The following FGF14 variants were observed in gnomAD, a reference collection of about 807,000 sequenced individuals.
FGF14 encodes fibroblast growth factor homologous factor 4.
Under a neutral mutation model 25.5 loss-of-function variants are expected in FGF14, and 5 were observed. The observed-to-expected ratio is 0.20, with a 90% confidence interval of 0.10 to 0.41. FGF14 has a LOEUF of 0.41. Among genes scored for constraint, FGF14 ranks in the 10% least tolerant of loss-of-function variants. The probability of loss-of-function intolerance (pLI) is 1.00; values close to 1 mark genes in which losing one functional copy is unlikely to be tolerated. For missense variants in FGF14, 222 were observed against 320.1 expected, an observed-to-expected ratio of 0.69 and a Z score of 2.34; for synonymous variants, 138 against 118.3, an observed-to-expected ratio of 1.17 and a Z score of -1.08.
rs180769288 is a variant in FGF14, at chr13:102,135,326, T to C, written c.209-260030A>G. Among the ~76,000 whole-genome samples the C allele has an allele frequency of 9.8e-5, 15 of 152,308 alleles. No homozygotes were observed. The East Asian group carries it at 2.3e-3, about 24-fold the overall frequency. On this transcript the variant is annotated intron_variant, in intron 1 of 4. Transcript: ENST00000376131. ...TGTCTCCTCTTCAAAGCCCTCCATG[T>C]GCCCCAGCTAACATCTGGTATCAAG...
intron 3 of FGF14, among the ~76,000 whole-genome samples, chr13:101,839,470 C>A (rs1566961177): frequency 6.6e-6 from 1 of 151,936 alleles, no homozygotes. Context: ...TTAATACAGG[C>A]CACAGAAAAC....
At chr13:102,219,733 G>A (rs2050527180) in intron 1 of FGF14, among the ~76,000 whole-genome samples, 1 of 152,108 alleles carries the variant, frequency 6.6e-6, no homozygotes, top group Non-Finnish European at 1.5e-5. Flanking sequence ...AATGATCAAA[G>A]TGAAGCCAAT....
intron 1 of FGF14, among the ~76,000 whole-genome samples, chr13:101,923,827 A>G (rs2034175958): frequency 6.6e-6 from 1 of 152,128 alleles, no homozygotes; most frequent in Non-Finnish European, 1.5e-5. Flanking sequence ...AGTAGAAACT[A>G]TTGATACTAA....
At chr13:102,017,414 T>C (rs2040404865) in intron 1 of FGF14, among the ~76,000 whole-genome samples, 1 of 152,228 alleles carries the variant, frequency 6.6e-6, no homozygotes, top group Non-Finnish European at 1.5e-5. Context: ...GCCTTTTTCC[T>C]GCAGAACTTT....
chr13:102,357,319 T>G (rs912660860), intron 1 of FGF14, among the ~76,000 whole-genome samples: 11 of 152,018 alleles, frequency 7.2e-5, no homozygotes, highest in Non-Finnish European at 1.5e-4. Flanking sequence ...CTCCAGGGCT[T>G]TCTGAAGTGG....
At chr13:101,746,008 C>T (rs752830594) in intron 3 of FGF14, among the ~76,000 whole-genome samples, 8 of 151,896 alleles carry the variant, frequency 5.3e-5, no homozygotes, top group South Asian at 2.1e-4. Flanking sequence ...ATCAATTCAG[C>T]GGAGATGTGC....
At chr13:102,054,463 G>C (rs1373782594) in intron 1 of FGF14, among the ~76,000 whole-genome samples, 1 of 152,132 alleles carries the variant, frequency 6.6e-6, no homozygotes, top group Admixed American at 6.5e-5. Flanking sequence ...AATGAATGAA[G>C]CATACTTAGC....
intron 1 of FGF14, among the ~76,000 whole-genome samples, chr13:101,910,359 A>G (rs2032790599): frequency 1.3e-5 from 2 of 152,164 alleles, no homozygotes; most frequent in Non-Finnish European, 2.9e-5. Flanking sequence ...TCTGCTGCAT[A>G]TATGTCCTGA....
chr13:102,056,201 T>C (rs561320524), intron 1 of FGF14, among the ~76,000 whole-genome samples: 2 of 152,314 alleles, frequency 1.3e-5, no homozygotes, highest in African/African-American at 4.8e-5. Context: ...GGGTATTTGT[T>C]ACAAATGGCC....
At chr13:102,139,682 G>T (rs990744160) in intron 1 of FGF14, among the ~76,000 whole-genome samples, 1 of 152,056 alleles carries the variant, frequency 6.6e-6, no homozygotes, top group East Asian at 1.9e-4. Flanking sequence ...AGAATCAGAG[G>T]GCACTGGGCA....
intron 1 of FGF14, among the ~76,000 whole-genome samples, chr13:101,972,844 C>A (rs1467414092): frequency 6.6e-6 from 1 of 152,104 alleles, no homozygotes; most frequent in East Asian, 1.9e-4. Flanking sequence ...TTCAGGTAAG[C>A]CAAAGCCAAT....
chr13:102,206,951 G>A (rs74109527), intron 1 of FGF14, among the ~76,000 whole-genome samples: 4,339 of 152,052 alleles, frequency 0.029, 202 homozygotes, highest in African/African-American at 0.099. Context: ...TCAATAATTC[G>A]TAAAAGCCTG....
chr13:101,740,992 C>T lies in FGF14; in HGVS notation c.409-14182G>A, dbSNP rs554358633. On this transcript the variant is annotated intron_variant, in intron 3 of 4. Coordinates refer to ENST00000376143, the MANE Select transcript of FGF14 (RefSeq NM_004115.4). ...GTTTTATGTTTTATAAAAAAGTCCC[C>T]GGTCAGTAAGCAAAGTGGTTCCCAC... 4.2e-4 allele frequency among the ~76,000 whole-genome samples: 64 copies of T among 152,228 alleles called. 1 individual carries two copies. The highest frequency in any genetic ancestry group is 1.4e-3 in the African/African-American group (59 of 41,524).
At chr13:101,779,046 A>C (rs1237504985) in intron 3 of FGF14, 1 of 152,178 alleles carries the variant, frequency 6.6e-6, no homozygotes. Flanking sequence ...GCCGGGTAAG[A>C]CCAGTCTGTG....
chr13:101,874,760 AC>A (rs1338331471), intron 2 of FGF14, among the ~76,000 whole-genome samples: 2 of 152,176 alleles, frequency 1.3e-5, no homozygotes, highest in Non-Finnish European at 2.9e-5. Flanking sequence ...ATGTAAAAAA[AC>A]AAAACAAAAC....
At chr13:101,954,943 C>T (rs1181617423) in intron 1 of FGF14, among the ~76,000 whole-genome samples, 1 of 152,128 alleles carries the variant, frequency 6.6e-6, no homozygotes. Context: ...GACTAATAAT[C>T]CCCCATTCTC....
intron 1 of FGF14, among the ~76,000 whole-genome samples, chr13:102,262,704 G>A (rs926351133): frequency 1.3e-5 from 2 of 152,064 alleles, no homozygotes; most frequent in African/African-American, 2.4e-5. Flanking sequence ...CTCAATGGTT[G>A]AATAACACAC....
intron 3 of FGF14, among the ~76,000 whole-genome samples, chr13:101,761,936 G>A (rs946032574): frequency 1.4e-4 from 21 of 152,210 alleles, no homozygotes; most frequent in African/African-American, 4.1e-4. Context: ...GAGAGAGGCC[G>A]CCAGGGAGTT....
At chr13:101,724,296 C>T (rs2035211640) in intron 4 of FGF14, among the ~76,000 whole-genome samples, 1 of 151,932 alleles carries the variant, frequency 6.6e-6, no homozygotes, top group Admixed American at 6.6e-5. Context: ...AGTTCATGGA[C>T]ATGGATGAAG....
Sources: allele counts gnomAD v4.1 joint callset (sites outside exome capture counted in the v4.1 genomes callset), GRCh38; gene constraint gnomAD v4.1.1; transcripts MANE v1.5; gene names NCBI Gene and HGNC (gene_info 2026-07-23, HGNC 2026-07-21).